Variants in CYP4F22 observed in about 807,000 individuals in gnomAD.
The protein encoded by CYP4F22 is cytochrome P450 family 4 subfamily F member 22, also known as ultra-long-chain fatty acid omega-hydroxylase.
In CYP4F22, 37 loss-of-function variants were observed where a neutral mutation model predicts 60.4. That is an observed-to-expected ratio of 0.61 (90% CI 0.47 to 0.81). CYP4F22 has a LOEUF of 0.81. Among genes scored for constraint, CYP4F22 ranks in the 30% least tolerant of loss-of-function variants. CYP4F22 has a pLI of 0.00. For synonymous variants in CYP4F22, 258 were observed against 280.5 expected (o/e 0.92, Z 0.80); for missense variants, 655 against 715.0 (o/e 0.92, Z 0.96).
chr19:15,515,325 A>G (rs1971140997), intron 1 of CYP4F22: 2 of 1,175,522 alleles, frequency 1.7e-6, no homozygotes, highest in African/African-American at 1.5e-5. Context: ...ATAATGGTTC[A>G]TGGCCAGAAA....
At position 15,537,162 on chromosome 19, in the gene CYP4F22, A is replaced by G. The variant is rs149772346; in HGVS notation, c.368-199A>G. Among the ~76,000 whole-genome samples the G allele has an allele frequency of 4.8e-3, 732 of 152,220 alleles. 7 individuals carry two copies. The highest frequency in any genetic ancestry group is 0.016 in the African/African-American group (660 of 41,522). Reference sequence around the variant, plus strand: ...AAAAATACAAACAAATTAGCCGGGCATGGTGGCGGACACCTGTAATCCCAG... The same window carrying G: ...AAAAATACAAACAAATTAGCCGGGCGTGGTGGCGGACACCTGTAATCCCAG... On this transcript the variant is annotated intron_variant, in intron 4 of 13. Transcript: ENST00000269703.
intron 3 of CYP4F22, among the ~76,000 whole-genome samples, chr19:15,527,437 G>C (rs962947374): frequency 6.6e-6 from 1 of 152,116 alleles, no homozygotes; most frequent in Non-Finnish European, 1.5e-5. Flanking sequence ...CTCTGTCCAG[G>C]TATCCTTCTC....
At chr19:15,529,458 G>A (rs573091951) in intron 3 of CYP4F22, among the ~76,000 whole-genome samples, 11 of 152,214 alleles carry the variant, frequency 7.2e-5, no homozygotes, top group African/African-American at 2.2e-4. Context: ...CATCAGCCAT[G>A]GGTCAGGCCC....
intron 3 of CYP4F22, among the ~76,000 whole-genome samples, chr19:15,527,012 C>T (rs2144514768): frequency 6.6e-6 from 1 of 152,066 alleles, no homozygotes; most frequent in East Asian, 1.9e-4. Flanking sequence ...CTCAGCCTCC[C>T]TGTTTTTAGT....
intron 4 of CYP4F22, among the ~76,000 whole-genome samples, chr19:15,531,373 G>C (rs1892247485): frequency 8.6e-6 from 1 of 116,352 alleles, no homozygotes; most frequent in African/African-American, 3.6e-5. Context: ...ACAGAGCAAG[G>C]CTTAGTCTCT....
chr19:15,536,841 G>A (rs934768639), intron 4 of CYP4F22, among the ~76,000 whole-genome samples: 52 of 152,298 alleles, frequency 3.4e-4, no homozygotes, highest in African/African-American at 1.0e-3. Flanking sequence ...AGTGCAATGG[G>A]GAGCCATGGG....
chr19:15,537,716 G>A, intron 6 of CYP4F22, 54 bp downstream of exon 6: 2 of 1,607,438 alleles, frequency 1.2e-6, no homozygotes, highest in African/African-American at 2.7e-5. Context: ...GGCTGGTCCA[G>A]GCTCCAACTC....
chr19:15,533,709 T>C (rs916287687), intron 4 of CYP4F22, among the ~76,000 whole-genome samples: 14 of 148,812 alleles, frequency 9.4e-5, no homozygotes, highest in African/African-American at 3.5e-4. Flanking sequence ...GTGATTCTCC[T>C]CCTGCCTCAG....
At position 15,550,679 on chromosome 19, in the gene CYP4F22, C is replaced by T. The variant is rs763708775; in HGVS notation, c.1341C>T (p.Tyr447=). ...TCCAGGCTGTTCCTCCCTAGGTGTA[C>T]AACCCCTACCGCTTTGACCCGGACA... ...NPTVWPDSKV[Y]NPYRFDPDNP... Residue 447 remains tyrosine, a synonymous_variant, in exon 13 of 14, where the codon TAC becomes TAT. Transcript: ENST00000269703. 2 of 1,614,182 alleles carry T rather than the reference C, an allele frequency of 1.2e-6. No homozygotes were observed. Among genetic ancestry groups the T allele is most frequent in the South Asian group, 2.2e-5 (2 of 91,088 alleles).
Position 15,551,581 on chromosome 19 carries a change from C to A in CYP4F22, c.*110C>A. 7.5e-7 allele frequency: 1 copy of A among 1,342,054 alleles called. No individual in the cohort carries two copies. 83.1% of individuals were successfully genotyped at this position (1,342,054 alleles called of 1,614,324 possible). On this transcript the variant is annotated 3_prime_UTR_variant, in exon 14 of 14. Transcript: ENST00000269703. ...GGCCACCCCCCTCGAAGTTCAGGTT[C>A]AGCTCCTGGATGACCAGGCACCGCT...
chr19:15,511,378 A>G (rs994490600), intron 1 of CYP4F22, among the ~76,000 whole-genome samples: 14 of 152,016 alleles, frequency 9.2e-5, no homozygotes, highest in Admixed American at 9.2e-4. Context: ...AGGATCACTC[A>G]AGCCCAGGAC....
At position 15,541,878 on chromosome 19, in the gene CYP4F22, A is replaced by AG. The variant is rs1401804936; in HGVS notation, c.939+1161_939+1162insG. Among the ~76,000 whole-genome samples the AG allele has an allele frequency of 8.6e-4, 129 of 150,530 alleles. 1 individual carries two copies. The highest frequency in any genetic ancestry group is 5.4e-3 in the South Asian group (26 of 4,800). ...GAAACTCCGTCTCAAAAAAAAAAAA[A>AG]AAAAAGAAAAAAAAGAAATACATGA... On this transcript the variant is annotated intron_variant, in intron 8 of 13. Transcript: ENST00000269703.
rs556705702 is a variant in CYP4F22, at chr19:15,532,262, T to C, written c.367+2409T>C. On this transcript the variant is annotated intron_variant, in intron 4 of 13. Transcript: ENST00000269703. ...TTCTCTCTCTACTCCTCTTTCCCCC[T>C]CCTCCCTTCTCTTCTTCTTTCTCTC... Among the ~76,000 whole-genome samples the C allele has an allele frequency of 1.5e-4, 22 of 149,226 alleles. No individual in the cohort carries two copies. The South Asian group carries it at 3.9e-3, about 27-fold the overall frequency.
rs1274621078 is a variant in CYP4F22, at chr19:15,547,986, AGAGAGAGAGGGAGAGAGTGT to A, written c.1137-120_1137-101del. 15 of 721,750 alleles carry A rather than the reference AGAGAGAGAGGGAGAGAGTGT, an allele frequency of 2.1e-5. No homozygotes were observed. In the African/African-American group the frequency reaches 3.0e-4, roughly 14 times the overall value. 44.7% of individuals were successfully genotyped at this position (721,750 alleles called of 1,614,324 possible). A position where few individuals can be genotyped will look rare whatever the true frequency, so the allele number is the denominator to read the frequency against. On this transcript the variant is annotated intron_variant, in intron 10 of 13. Coordinates refer to ENST00000269703, the MANE Select transcript of CYP4F22 (RefSeq NM_173483.4). ...CTGCCCCTGAGAGAGAGAGAGAGAGAGAGAGAGAGGGAGAGAGTGTGTGTGTGTGTGTGTGTGTGTGTGTG... is the reference window on the plus strand; with the variant it reads ...CTGCCCCTGAGAGAGAGAGAGAGAGAGTGTGTGTGTGTGTGTGTGTGTGTG...
chr19:15,527,459 C>T (rs1188386215), intron 3 of CYP4F22, among the ~76,000 whole-genome samples: 1 of 152,228 alleles, frequency 6.6e-6, no homozygotes, highest in Non-Finnish European at 1.5e-5. Context: ...GCTAGATCAA[C>T]TTCTGCTCAT....
At chr19:15,519,499 G>A (rs988138673) in intron 1 of CYP4F22, among the ~76,000 whole-genome samples, 4 of 152,130 alleles carry the variant, frequency 2.6e-5, no homozygotes, top group Non-Finnish European at 4.4e-5. Context: ...CTGACCTCAA[G>A]TGATCCACCC....
chr19:15,550,411 G>A (rs148969017), intron 12 of CYP4F22, among the ~76,000 whole-genome samples: 6 of 152,346 alleles, frequency 3.9e-5, no homozygotes, highest in African/African-American at 1.4e-4. Context: ...TGAGAACTTA[G>A]GGGATGAAGG....
At chr19:15,513,907 G>C (rs527250693) in intron 1 of CYP4F22, among the ~76,000 whole-genome samples, 2 of 152,286 alleles carry the variant, frequency 1.3e-5, no homozygotes, top group East Asian at 3.9e-4. Context: ...GTAATTAATA[G>C]TATCGAGCAC....
chr19:15,527,964 G>C (rs1971301127), intron 3 of CYP4F22, among the ~76,000 whole-genome samples: 1 of 152,242 alleles, frequency 6.6e-6, no homozygotes, highest in African/African-American at 2.4e-5. Context: ...TGAGCCTGAA[G>C]CTTTCCTGCC....
Sources: gnomAD v4.1 joint callset for allele counts (sites outside exome capture counted in the v4.1 genomes callset) on GRCh38, gnomAD v4.1.1 for gene constraint, MANE v1.5 for transcripts, NCBI Gene and HGNC (gene_info 2026-07-23, HGNC 2026-07-21) for gene names.